CSMD1: variants seen among roughly 807,000 people sequenced by gnomAD.
CSMD1 encodes CUB and Sushi multiple domains 1, also known as CUB and sushi domain-containing protein 1.
CSMD1 carries 213 observed loss-of-function variants against 417.5 expected under a neutral mutation model. The ratio of observed to expected loss-of-function variants is 0.51; its 90% CI spans 0.46 to 0.57. CSMD1 has a LOEUF of 0.57. Among genes scored for constraint, CSMD1 ranks in the 20% least tolerant of loss-of-function variants. The pLI, the probability that CSMD1 is intolerant of heterozygous loss-of-function variation, is 0.00. For synonymous variants in CSMD1, 2,862 were observed against 1,736.8 expected (o/e 1.65, Z -16.11); for missense variants, 6,923 against 4,529.7 (o/e 1.53, Z -15.17).
intron 7 of CSMD1, among the ~76,000 whole-genome samples, chr8:3,637,318 C>G (rs1253531370): frequency 2.6e-5 from 4 of 152,070 alleles, no homozygotes; most frequent in African/African-American, 9.7e-5. Context: ...CAATCTATGT[C>G]TAAGATCCTT....
intron 7 of CSMD1, among the ~76,000 whole-genome samples, chr8:3,673,811 C>T (rs561171014): frequency 3.5e-4 from 54 of 152,246 alleles, no homozygotes; most frequent in African/African-American, 1.2e-3. Context: ...GAGTGCAACA[C>T]GCCATCATTA....
At chr8:3,096,574 A>AT (rs1815315400) in intron 47 of CSMD1, among the ~76,000 whole-genome samples, 1 of 152,010 alleles carries the variant, frequency 6.6e-6, no homozygotes, top group Non-Finnish European at 1.5e-5. Flanking sequence ...GGAACTGTAA[A>AT]TCCATTAAAT....
intron 3 of CSMD1, among the ~76,000 whole-genome samples, chr8:4,373,668 G>A (rs1039111771): frequency 4.6e-5 from 7 of 152,018 alleles, no homozygotes; most frequent in African/African-American, 1.5e-4. Context: ...ATAGTTTAAT[G>A]AAACGTTTCA....
intron 7 of CSMD1, among the ~76,000 whole-genome samples, chr8:3,670,187 C>T (rs1028472106): frequency 6.6e-6 from 1 of 151,952 alleles, no homozygotes; most frequent in Non-Finnish European, 1.5e-5. Context: ...CAGACTTACA[C>T]TTAATCTGGG....
At chr8:4,626,881 T>C (rs1164045184) in intron 2 of CSMD1, among the ~76,000 whole-genome samples, 1 of 152,172 alleles carries the variant, frequency 6.6e-6, no homozygotes, top group Admixed American at 6.6e-5. Context: ...TCAAGTGAAA[T>C]ACTTGCCTTT....
chr8:3,652,874 G>C (rs1175150858), intron 7 of CSMD1, among the ~76,000 whole-genome samples: 1 of 152,156 alleles, frequency 6.6e-6, no homozygotes, highest in Non-Finnish European at 1.5e-5. Flanking sequence ...GGTGCACACA[G>C]TCAGCACTCA....
chr8:4,440,921 C>T lies in CSMD1; in HGVS notation c.303-20856G>A, dbSNP rs577069556. ...CTGAGGCATGAGAATCACTTGAACCCGGGAGGCGGAGGTTGCAGCGAGCCG... is the reference window on the plus strand; with the variant it reads ...CTGAGGCATGAGAATCACTTGAACCTGGGAGGCGGAGGTTGCAGCGAGCCG... On this transcript the variant is annotated intron_variant, in intron 2 of 69. Coordinates refer to ENST00000635120, the MANE Select transcript of CSMD1 (RefSeq NM_033225.6). Among the ~76,000 whole-genome samples the T allele has an allele frequency of 4.0e-5, 6 of 150,782 alleles. No individual in the cohort carries two copies. In the South Asian group the frequency reaches 6.3e-4, roughly 16 times the overall value.
chr8:4,181,026 T>A (rs1292573131), intron 3 of CSMD1, among the ~76,000 whole-genome samples: 2 of 152,084 alleles, frequency 1.3e-5, no homozygotes, highest in African/African-American at 4.8e-5. Flanking sequence ...AAAGTCCAGC[T>A]GAAAAATAAT....
Position 3,624,595 on chromosome 8 carries a change from G to A in CSMD1, c.1010-7798C>T, listed in dbSNP as rs534525292. 1.5e-3 allele frequency among the ~76,000 whole-genome samples: 232 copies of A among 152,216 alleles called. 1 individual carries two copies. Among genetic ancestry groups the A allele is most frequent in the South Asian group, 9.7e-3 (47 of 4,832 alleles). ...CCATTTAAGCCTTCAGAGAGGTGAC[G>A]TATGTTTTTATCTGCATAACCATCA... is the stretch of plus-strand genomic sequence containing the variant. On this transcript the variant is annotated intron_variant, in intron 7 of 69. Coordinates refer to ENST00000635120, the MANE Select transcript of CSMD1 (RefSeq NM_033225.6).
chr8:4,357,474 C>G (rs1483756660), intron 3 of CSMD1, among the ~76,000 whole-genome samples: 4 of 152,042 alleles, frequency 2.6e-5, no homozygotes, highest in African/African-American at 9.7e-5. Flanking sequence ...CTACCATCGC[C>G]CTCACCAACA....
intron 5 of CSMD1, among the ~76,000 whole-genome samples, chr8:3,943,218 T>A (rs1811001582): frequency 6.6e-6 from 1 of 152,134 alleles, no homozygotes; most frequent in African/African-American, 2.4e-5. Flanking sequence ...TCAACTGTTT[T>A]GATTTAACCT....
At chr8:4,334,236 C>T (rs929897277) in intron 3 of CSMD1, among the ~76,000 whole-genome samples, 2 of 152,082 alleles carry the variant, frequency 1.3e-5, no homozygotes, top group Non-Finnish European at 2.9e-5. Context: ...CATCCAATAA[C>T]TTAATGTGTA....
At chr8:4,206,072 T>C (rs777823758) in intron 3 of CSMD1, among the ~76,000 whole-genome samples, 2 of 152,010 alleles carry the variant, frequency 1.3e-5, no homozygotes, top group Non-Finnish European at 2.9e-5. Flanking sequence ...TCTTCCCAAT[T>C]CAAAGGACAG....
chr8:4,658,749 T>C (rs944611214), intron 1 of CSMD1, among the ~76,000 whole-genome samples: 4 of 152,168 alleles, frequency 2.6e-5, no homozygotes, highest in Admixed American at 2.6e-4. Context: ...TAACTCATTT[T>C]TCTTCTATAT....
At chr8:4,531,634 C>T (rs1425846521) in intron 2 of CSMD1, among the ~76,000 whole-genome samples, 1 of 152,094 alleles carries the variant, frequency 6.6e-6, no homozygotes, top group Non-Finnish European at 1.5e-5. Flanking sequence ...TCATGGTGCA[C>T]CATGGCCCCA....
At chr8:4,616,827 T>C (rs1340846863) in intron 2 of CSMD1, among the ~76,000 whole-genome samples, 1 of 152,228 alleles carries the variant, frequency 6.6e-6, no homozygotes, top group Admixed American at 6.5e-5. Flanking sequence ...AAACTCATTT[T>C]GGTCTTCTGG....
chr8:3,368,378 C>T (rs894532957), intron 19 of CSMD1, among the ~76,000 whole-genome samples: 4 of 152,144 alleles, frequency 2.6e-5, no homozygotes, highest in Non-Finnish European at 4.4e-5. Context: ...GCTCTATCTC[C>T]TAGGCTGGAG....
intron 4 of CSMD1, among the ~76,000 whole-genome samples, chr8:4,007,572 T>C (rs1816224323): frequency 6.6e-6 from 1 of 152,222 alleles, no homozygotes; most frequent in Non-Finnish European, 1.5e-5. Flanking sequence ...TACCTCTCGG[T>C]GCGTGCTGAG....
At chr8:4,090,715 A>C (rs1435884211) in intron 3 of CSMD1, among the ~76,000 whole-genome samples, 1 of 152,220 alleles carries the variant, frequency 6.6e-6, no homozygotes, top group Non-Finnish European at 1.5e-5. Context: ...TGGAGTTTTA[A>C]ATCAATTTTA....
Sources: gnomAD v4.1 joint callset for allele counts (sites outside exome capture counted in the v4.1 genomes callset) on GRCh38, gnomAD v4.1.1 for gene constraint, MANE v1.5 for transcripts, NCBI Gene and HGNC (gene_info 2026-07-23, HGNC 2026-07-21) for gene names.